The following SLC6A15 variants were observed in gnomAD, a reference collection of about 807,000 sequenced individuals.
The protein encoded by SLC6A15 is sodium-dependent neutral amino acid transporter B(0)AT2.
Under a neutral mutation model 68.5 loss-of-function variants are expected in SLC6A15, and 33 were observed. The ratio of observed to expected loss-of-function variants is 0.48; its 90% CI spans 0.37 to 0.64. The LOEUF is 0.64. Ranked by LOEUF, SLC6A15 falls within the 30% of genes least tolerant of loss-of-function variation. The probability of loss-of-function intolerance (pLI) is 0.00; values close to 1 mark genes in which losing one functional copy is unlikely to be tolerated. For missense variants in SLC6A15, 747 were observed against 874.3 expected, an observed-to-expected ratio of 0.85 and a Z score of 1.84; for synonymous variants, 347 against 301.0, an observed-to-expected ratio of 1.15 and a Z score of -1.58.
At chr12:84,912,336 C>A (rs561700979) in intron 1 of SLC6A15, among the ~76,000 whole-genome samples, 187 bp downstream of exon 1, 1 of 152,134 alleles carries the variant, frequency 6.6e-6, no homozygotes, top group African/African-American at 2.4e-5. Flanking sequence ...GGTTGCCCGC[C>A]CAGCCCAGCT....
chr12:84,870,524 G>A lies in SLC6A15; in HGVS notation c.1449C>T (p.Val483=), dbSNP rs201427505. 5.0e-6 allele frequency: 8 copies of A among 1,590,110 alleles called. No individual in the cohort carries two copies. The Admixed American group carries it at 7.0e-5, about 14-fold the overall frequency. ...CTTTGAAAGTGTCCACAATAGGCGTGACAATCCCTTCAATGGTTCCAAACA... is the reference window on the plus strand; with the variant it reads ...CTTTGAAAGTGTCCACAATAGGCGTAACAATCCCTTCAATGGTTCCAAACA... ...GSMFGTIEGI[V]TPIVDTFKVR... The change falls in exon 9 of 12, where the codon GTC becomes GTT. Residue 483 remains valine (V), a synonymous_variant. Coordinates refer to ENST00000266682, the MANE Select transcript of SLC6A15 (RefSeq NM_182767.6).
intron 1 of SLC6A15, among the ~76,000 whole-genome samples, chr12:84,899,255 T>G (rs1448951620): frequency 1.3e-5 from 2 of 151,908 alleles, no homozygotes; most frequent in African/African-American, 4.8e-5. Flanking sequence ...GATTCAAGAG[T>G]AGAGATAAAC....
chr12:84,910,065 TTTTAAGATTCTGCATTA>T (rs1313019694), intron 1 of SLC6A15, among the ~76,000 whole-genome samples: 47 of 152,146 alleles, frequency 3.1e-4, no homozygotes, highest in African/African-American at 1.1e-3. Context: ...TGTTATCCAG[TTTTAAGATTCTGCATTA>T]TTTCATATTT....
intron 1 of SLC6A15, among the ~76,000 whole-genome samples, chr12:84,905,873 C>CTTA (rs1873121630): frequency 6.6e-6 from 1 of 152,188 alleles, no homozygotes. Context: ...TAAGGATTCC[C>CTTA]TGTGTTGGCC....
At chr12:84,866,786 T>C (rs771224764) in intron 10 of SLC6A15, among the ~76,000 whole-genome samples, 1 of 152,182 alleles carries the variant, frequency 6.6e-6, no homozygotes, top group Non-Finnish European at 1.5e-5. Context: ...GTTAGCTATT[T>C]GATAACCAGG....
chr12:84,867,051 A>G lies in SLC6A15; in HGVS notation c.1638T>C (p.Phe546=). ...ATACTTACTTATCTATGCCATAAAC[A>G]AAGCATACAGCAATATTCTCCAAAA... The part of the protein sequence containing the change: ...VVILENIAVC[F]VYGIDKFMED... The change falls in exon 10 of 12, where the codon TTT becomes TTC. Residue 546 remains phenylalanine (F), a synonymous_variant. Transcript: ENST00000266682. The G allele has an allele frequency of 6.2e-7, 1 of 1,602,420 alleles. No individual in the cohort carries two copies. The highest frequency in any genetic ancestry group is 8.5e-7 in the Non-Finnish European group (1 of 1,175,558).
intron 1 of SLC6A15, among the ~76,000 whole-genome samples, chr12:84,911,263 A>G (rs1336260487): frequency 1.3e-5 from 2 of 152,226 alleles, no homozygotes; most frequent in Non-Finnish European, 1.5e-5. Context: ...AAAGCAGCAT[A>G]TAAAGCAAAT....
At chr12:84,876,140 G>T (rs142550971) in intron 6 of SLC6A15, among the ~76,000 whole-genome samples, 3 of 148,480 alleles carry the variant, frequency 2.0e-5, no homozygotes, top group African/African-American at 7.4e-5. Context: ...AGGGATCCAT[G>T]ACACAAAAAG....
chr12:84,869,394 G>T (rs190617398), intron 9 of SLC6A15, among the ~76,000 whole-genome samples: 2 of 149,490 alleles, frequency 1.3e-5, no homozygotes, highest in Non-Finnish European at 3.0e-5. Flanking sequence ...CCCGGGAGGC[G>T]GAGCTTGCAG....
At chr12:84,910,524 A>G (rs144070466) in intron 1 of SLC6A15, among the ~76,000 whole-genome samples, 173 of 152,304 alleles carry the variant, frequency 1.1e-3, no homozygotes, top group Middle Eastern at 3.4e-3. Context: ...AAACTGCACC[A>G]TGTTGTAAGC....
At chr12:84,902,408 G>A (rs1872925573) in intron 1 of SLC6A15, among the ~76,000 whole-genome samples, 1 of 151,876 alleles carries the variant, frequency 6.6e-6, no homozygotes, top group Admixed American at 6.6e-5. Context: ...GTTGCTGGTG[G>A]AAATGTAAAA....
intron 11 of SLC6A15, among the ~76,000 whole-genome samples, chr12:84,862,594 AT>A (rs1442486269): frequency 2.6e-5 from 4 of 152,150 alleles, no homozygotes; most frequent in Non-Finnish European, 5.9e-5. Context: ...AAGCACTTTT[AT>A]TTTATAACAG....
Position 84,873,193 on chromosome 12 carries a change from C to G in SLC6A15, c.1003G>C (p.Val335Leu). Residue 335 changes from valine to leucine, a missense_variant, in exon 7 of 12, where the codon GTC (valine) becomes CTC (leucine). Physicochemically the swap from Val to Leu is conservative, Grantham distance 32. Transcript: ENST00000266682. ...KRDNNCHFDA[V>L]LVSFINFFTS... ...AAAAAATTGATGAAGGACACCAGGACAGCATCAAAGTGGCAGTTGTTGTCT... is the reference window on the plus strand; with the variant it reads ...AAAAAATTGATGAAGGACACCAGGAGAGCATCAAAGTGGCAGTTGTTGTCT... 6.2e-7 allele frequency: 1 copy of G among 1,614,106 alleles called. No homozygotes were observed. The highest frequency in any genetic ancestry group is 8.5e-7 in the Non-Finnish European group (1 of 1,179,994).
At chr12:84,870,825 T>A (rs1871257272) in intron 8 of SLC6A15, among the ~76,000 whole-genome samples, 155 bp from the exon 9 acceptor site, 1 of 152,172 alleles carries the variant, frequency 6.6e-6, no homozygotes, top group Non-Finnish European at 1.5e-5. Context: ...ATAAATCATG[T>A]TGTCATTCTC....
intron 2 of SLC6A15, among the ~76,000 whole-genome samples, chr12:84,887,913 A>G (rs1234295963): frequency 6.6e-6 from 1 of 151,992 alleles, no homozygotes; most frequent in African/African-American, 2.4e-5. Flanking sequence ...ACCCAAAGGA[A>G]GAAAAGTTAT....
At chr12:84,903,936 A>G (rs1016867856) in intron 1 of SLC6A15, among the ~76,000 whole-genome samples, 2 of 152,140 alleles carry the variant, frequency 1.3e-5, no homozygotes, top group African/African-American at 4.8e-5. Context: ...AAGGCACTGA[A>G]TATGTTTTAT....
In SLC6A15 at chr12:84,859,788, G is replaced by T. The variant is rs1165212020; in HGVS notation, c.*1844C>A. On this transcript the variant is annotated 3_prime_UTR_variant, in exon 12 of 12. Coordinates refer to ENST00000266682, the MANE Select transcript of SLC6A15 (RefSeq NM_182767.6). ...ATTTGTGAATATTCATACATAAAAT[G>T]CTGTCCAAAATAAATTATTCACAGA... 1 of 151,988 alleles carries T rather than the reference G, an allele frequency of 6.6e-6. No homozygotes were observed. The highest frequency in any genetic ancestry group is 1.9e-4 in the East Asian group (1 of 5,190). The allele number at this position is 151,988 out of a possible 1,614,324, so 9.4% of individuals were successfully genotyped here. A position where few individuals can be genotyped will look rare whatever the true frequency, so the allele number is the denominator to read the frequency against.
chr12:84,903,567 G>A (rs562236594), intron 1 of SLC6A15, among the ~76,000 whole-genome samples: 15 of 151,948 alleles, frequency 9.9e-5, no homozygotes, highest in African/African-American at 3.1e-4. Context: ...GTATTTTCTC[G>A]GGAGGCTCTA....
chr12:84,881,583 T>G (rs1871823553), intron 5 of SLC6A15: 2 of 985,312 alleles, frequency 2.0e-6, no homozygotes, highest in African/African-American at 3.5e-5. Flanking sequence ...TCATGCAGTT[T>G]CCACTTAGCA....
Sources: gnomAD v4.1 joint callset for allele counts (sites outside exome capture counted in the v4.1 genomes callset) on GRCh38, gnomAD v4.1.1 for gene constraint, MANE v1.5 for transcripts, NCBI Gene and HGNC (gene_info 2026-07-23, HGNC 2026-07-21) for gene names.